EFNA1: variants seen among roughly 807,000 people sequenced by gnomAD.
EFNA1 encodes the protein ephrin A1.
EFNA1 carries 8 observed loss-of-function variants against 23.2 expected under a neutral mutation model. The observed-to-expected ratio is 0.34, with a 90% CI of 0.20 to 0.62. The LOEUF (loss-of-function observed/expected upper bound fraction) is 0.62, where lower values mean the gene tolerates loss of function less well. EFNA1 is among the 20% of genes least tolerant of loss of function. EFNA1 has a pLI of 0.75. For missense variants in EFNA1, 217 were observed against 260.0 expected, an observed-to-expected ratio of 0.83 and a Z score of 1.14; for synonymous variants, 89 against 98.6, an observed-to-expected ratio of 0.90 and a Z score of 0.58.
rs1217789563 is a variant in EFNA1 at position 155,134,200 on chromosome 1, T to C, written c.*133T>C. The C allele has an allele frequency of 1.1e-6, 1 of 873,802 alleles. No individual in the cohort carries two copies. Among genetic ancestry groups the C allele is most frequent in the East Asian group, 2.6e-5 (1 of 37,766 alleles). The allele number at this position is 873,802 out of a possible 1,614,324, so 54.1% of individuals were successfully genotyped here. ...CCCACCACAGGCATAAGCTATCACC[T>C]AGCAGCCTCAAAACGGGTCAGTATT... On this transcript the variant is annotated 3_prime_UTR_variant, in exon 5 of 5. Coordinates refer to ENST00000368407, the MANE Select transcript of EFNA1 (RefSeq NM_004428.3).
Position 155,131,275 on chromosome 1 carries a change from G to A in EFNA1, c.93-64G>A, listed in dbSNP as rs1423091646. 6 of 1,543,198 alleles carry A rather than the reference G, an allele frequency of 3.9e-6. No homozygotes were observed. In the East Asian group the frequency reaches 1.1e-4, roughly 29 times the overall value. ...GTGAGAGGTCATGTAAACATTCAGA[G>A]GCCCAAGGATCTGGCCTGGCTTCTG... is the stretch of plus-strand genomic sequence containing the variant. On this transcript the variant is annotated intron_variant, in intron 1 of 4. Coordinates refer to ENST00000368407, the MANE Select transcript of EFNA1 (RefSeq NM_004428.3).
At chr1:155,128,286 C>A (rs1332542859) in intron 1 of EFNA1, among the ~76,000 whole-genome samples, 5 of 152,078 alleles carry the variant, frequency 3.3e-5, no homozygotes, top group Non-Finnish European at 7.4e-5. Flanking sequence ...TCTGCCCTTC[C>A]CTTCCTTCTC....
intron 3 of EFNA1, 55 bp from the exon 4 acceptor site, chr1:155,133,675 C>T: frequency 5.6e-6 from 9 of 1,609,284 alleles, no homozygotes; most frequent in South Asian, 1.1e-5. Context: ...CTCATACTTA[C>T]AGCCCTCTGC....
intron 1 of EFNA1, 100 bp downstream of exon 1, chr1:155,128,169 T>C: frequency 9.4e-7 from 1 of 1,060,752 alleles, no homozygotes; most frequent in South Asian, 1.4e-5. Flanking sequence ...CTAGAGTAGA[T>C]GACCGAGGTA....
chr1:155,128,081 G>T lies in EFNA1; in HGVS notation c.92+12G>T. On this transcript the variant is annotated intron_variant, in intron 1 of 4. Coordinates refer to ENST00000368407, the MANE Select transcript of EFNA1 (RefSeq NM_004428.3). ...AGTTCAAATCCCAAGTAAGCCTCGA[G>T]ACTCCCGCTGGCAGCCTGGGCTCCC... is the stretch of plus-strand genomic sequence containing the variant. 1 of 1,612,578 alleles carries T rather than the reference G, an allele frequency of 6.2e-7. No individual in the cohort carries two copies. The highest frequency in any genetic ancestry group is 8.5e-7 in the Non-Finnish European group (1 of 1,179,354).
rs1215500145 is a variant in EFNA1, at chr1:155,134,098, G to A, written c.*31G>A. 6.2e-7 allele frequency: 1 copy of A among 1,605,398 alleles called. No individual in the cohort carries two copies. The highest frequency in any genetic ancestry group is 8.5e-7 in the Non-Finnish European group (1 of 1,175,282). ...TATGCCACACCTGGCCTTAAAGAGG[G>A]ACAGGCTGAAGAGAGGGACAGGCAC... On this transcript the variant is annotated 3_prime_UTR_variant, in exon 5 of 5. Transcript: ENST00000368407.
Position 155,134,103 on chromosome 1 carries a change from G to A in EFNA1, c.*36G>A. The A allele has an allele frequency of 2.5e-6, 4 of 1,598,908 alleles. No homozygotes were observed. Among genetic ancestry groups the A allele is most frequent in the Non-Finnish European group, 2.6e-6 (3 of 1,171,166 alleles). ...CACACCTGGCCTTAAAGAGGGACAG[G>A]CTGAAGAGAGGGACAGGCACTCCAA... On this transcript the variant is annotated 3_prime_UTR_variant, in exon 5 of 5. Coordinates refer to ENST00000368407, the MANE Select transcript of EFNA1 (RefSeq NM_004428.3).
intron 1 of EFNA1, chr1:155,130,500 G>A (rs1383078239): frequency 2.0e-6 from 2 of 982,528 alleles, no homozygotes; most frequent in East Asian, 1.1e-4. Context: ...GAGGAGGAGA[G>A]AGGGGAGAGA....
chr1:155,134,061 C>G lies in EFNA1; in HGVS notation c.612C>G (p.Thr204=). 6.2e-7 allele frequency: 1 copy of G among 1,613,978 alleles called. No homozygotes were observed. Among genetic ancestry groups the G allele is most frequent in the Non-Finnish European group, 8.5e-7 (1 of 1,179,932 alleles). ...TCCTTCCACTTCTGCTGCTGCAAAC[C>G]CCGTGAAGGTGTATGCCACACCTGG... ...VLLLPLLLLQ[T]P The change falls in exon 5 of 5, where the codon ACC becomes ACG. Residue 204 remains threonine (T), a synonymous_variant. Transcript: ENST00000368407.
chr1:155,133,160 C>T (rs988863254), intron 2 of EFNA1, among the ~76,000 whole-genome samples: 3 of 152,088 alleles, frequency 2.0e-5, no homozygotes, highest in Admixed American at 2.0e-4. Flanking sequence ...CCGCCCACCT[C>T]GGCCTCTCAA....
Position 155,131,430 on chromosome 1 carries a change from G to A in EFNA1, c.184G>A (p.Ala62Thr), listed in dbSNP as rs762981577. The change falls in exon 2 of 5, where the codon GCT (alanine) becomes ACT (threonine). Residue 62 changes from alanine to threonine, a missense_variant. Ala to Thr is a moderately conservative substitution (Grantham distance 58). Coordinates refer to ENST00000368407, the MANE Select transcript of EFNA1 (RefSeq NM_004428.3). ...PHYEDHSVADAAMEQYILYLV... is the reference protein window; with the variant it reads ...PHYEDHSVADTAMEQYILYLV... The stretch of plus-strand genomic sequence containing the variant: ...CTATGAAGATCACTCTGTGGCAGAC[G>A]CTGCCATGGAGCAGTACATACTGTA... 2.4e-5 allele frequency: 39 copies of A among 1,614,030 alleles called. No homozygotes were observed. Among genetic ancestry groups the A allele is most frequent in the East Asian group, 2.2e-4 (10 of 44,886 alleles).
rs765234514 is a variant in EFNA1, at chr1:155,128,079, G to A, written c.92+10G>A. 24 of 1,612,572 alleles carry A rather than the reference G, an allele frequency of 1.5e-5. No homozygotes were observed. The highest frequency in any genetic ancestry group is 2.0e-5 in the Non-Finnish European group (24 of 1,179,426). ...ACAGTTCAAATCCCAAGTAAGCCTC[G>A]AGACTCCCGCTGGCAGCCTGGGCTC... On this transcript the variant is annotated intron_variant, in intron 1 of 4. Transcript: ENST00000368407.
In EFNA1 at chr1:155,131,567, G is replaced by C; in HGVS notation, c.321G>C (p.Lys107Asn). The C allele has an allele frequency of 6.2e-7, 1 of 1,614,044 alleles. No homozygotes were observed. The highest frequency in any genetic ancestry group is 1.1e-5 in the South Asian group (1 of 91,068). Reference sequence around the variant, plus strand: ...ATGGCCCGGAGAAGCTGTCTGAGAAGTTCCAGCGCTTCACACCTTTCACCC... The same window carrying C: ...ATGGCCCGGAGAAGCTGTCTGAGAACTTCCAGCGCTTCACACCTTTCACCC... ...AKHGPEKLSE[K>N]FQRFTPFTLG... Residue 107 changes from lysine to asparagine, a missense_variant, in exon 2 of 5, where the codon AAG becomes AAC. By Grantham distance (94) the Lys-to-Asn change is moderately conservative. Coordinates refer to ENST00000368407, the MANE Select transcript of EFNA1 (RefSeq NM_004428.3).
chr1:155,129,457 G>A (rs977013994), intron 1 of EFNA1: 2 of 152,086 alleles, frequency 1.3e-5, no homozygotes, highest in East Asian at 3.9e-4. Flanking sequence ...GTCAAATGAA[G>A]GCTAAGTACA....
chr1:155,134,243 G>A lies in EFNA1; in HGVS notation c.*176G>A. ...TCAGTATTAAGGTTTTCAACCGGAA[G>A]GAGGCCAACCAGCCCGACAGTGCCA... On this transcript the variant is annotated 3_prime_UTR_variant, in exon 5 of 5. Transcript: ENST00000368407. The A allele has an allele frequency of 1.6e-6, 1 of 639,852 alleles. No individual in the cohort carries two copies. The highest frequency in any genetic ancestry group is 1.9e-5 in the South Asian group (1 of 52,874). The allele number at this position is 639,852 out of a possible 1,614,324, so 39.6% of individuals were successfully genotyped here.
intron 1 of EFNA1, chr1:155,130,618 G>A: frequency 1.0e-6 from 1 of 985,270 alleles, no homozygotes; most frequent in Non-Finnish European, 1.2e-6. Flanking sequence ...GTTGTTTTGG[G>A]GTGCTCTGAG....
intron 2 of EFNA1, 51 bp from the exon 3 acceptor site, chr1:155,133,452 T>TTG: frequency 1.2e-6 from 2 of 1,607,406 alleles, no homozygotes; most frequent in Non-Finnish European, 1.7e-6. Context: ...TGGACTTACA[T>TTG]TTTCTTCCAG....
At chr1:155,128,820 A>C (rs1028396666) in intron 1 of EFNA1, among the ~76,000 whole-genome samples, 1 of 152,156 alleles carries the variant, frequency 6.6e-6, no homozygotes, top group Non-Finnish European at 1.5e-5. Context: ...CTGTGAGGCA[A>C]ATGGTACTGG....
intron 4 of EFNA1, 35 bp from the exon 5 acceptor site, chr1:155,133,920 C>G (rs574811781): frequency 6.2e-7 from 1 of 1,610,392 alleles, no homozygotes; most frequent in African/African-American, 1.3e-5. Context: ...AGTGGAGCCA[C>G]TCACACTGGT....
Sources: gnomAD v4.1 joint callset for allele counts (sites outside exome capture counted in the v4.1 genomes callset) on GRCh38, gnomAD v4.1.1 for gene constraint, MANE v1.5 for transcripts, NCBI Gene and HGNC (gene_info 2026-07-23, HGNC 2026-07-21) for gene names.